TIAM1: variants seen among roughly 807,000 people sequenced by gnomAD.
The protein encoded by TIAM1 is rho guanine nucleotide exchange factor TIAM1.
TIAM1 carries 65 observed loss-of-function variants against 163.5 expected under a neutral mutation model. The ratio of observed to expected loss-of-function variants is 0.40; its 90% CI spans 0.33 to 0.49. The LOEUF is 0.49. Ranked by LOEUF, TIAM1 falls within the 20% of genes least tolerant of loss-of-function variation. The probability of loss-of-function intolerance (pLI) is 0.77; values close to 1 mark genes in which losing one functional copy is unlikely to be tolerated. For synonymous variants in TIAM1, 833 were observed against 810.1 expected, an observed-to-expected ratio of 1.03 and a Z score of -0.48; for missense variants, 1,789 against 2,044.7, an observed-to-expected ratio of 0.87 and a Z score of 2.41.
intron 2 of TIAM1, among the ~76,000 whole-genome samples, chr21:31,393,236 A>T (rs2147200025): frequency 6.6e-6 from 1 of 152,346 alleles, no homozygotes; most frequent in East Asian, 1.9e-4. Flanking sequence ...GATTACAGGC[A>T]TGAGTTACTG....
chr21:31,452,004 G>A (rs987257890), intron 2 of TIAM1, among the ~76,000 whole-genome samples: 8 of 152,150 alleles, frequency 5.3e-5, no homozygotes, highest in Non-Finnish European at 8.8e-5. Context: ...AGGGAAAACA[G>A]TAAGTTTGGG....
chr21:31,267,177 A>G (rs1262813128), intron 3 of TIAM1, among the ~76,000 whole-genome samples, 194 bp from the exon 4 acceptor site: 2 of 152,126 alleles, frequency 1.3e-5, no homozygotes, highest in African/African-American at 4.8e-5. Context: ...GTGAACAGTA[A>G]CATCATCTAC....
intron 2 of TIAM1, among the ~76,000 whole-genome samples, chr21:31,377,204 A>G (rs2076703352): frequency 7.3e-6 from 1 of 136,790 alleles, no homozygotes; most frequent in East Asian, 2.1e-4. Context: ...TTTTTTTTTA[A>G]GATAGATTTA....
At chr21:31,284,992 C>T (rs765077165) in intron 2 of TIAM1, among the ~76,000 whole-genome samples, 1 of 152,128 alleles carries the variant, frequency 6.6e-6, no homozygotes, top group East Asian at 1.9e-4. Context: ...CCCAAAAGCA[C>T]GAAAGTGCAA....
chr21:31,339,546 G>T (rs535097144), intron 1 of TIAM1, 124 bp from the exon 2 acceptor site: 1 of 396,124 alleles, frequency 2.5e-6, no homozygotes, highest in Non-Finnish European at 4.4e-6. Context: ...ACATGTTGTA[G>T]ACACTCAATA....
At position 31,410,580 on chromosome 21, in the gene TIAM1, T is replaced by G. The variant is rs369955266; in HGVS notation, c.-369+53403A>C. Among the ~76,000 whole-genome samples, 535 of 152,162 alleles carry G rather than the reference T, an allele frequency of 3.5e-3. 3 individuals are homozygous for G. Among genetic ancestry groups the G allele is most frequent in the Non-Finnish European group, 6.3e-3 (430 of 68,002 alleles). ...GTGTGAGCAACTGTGTAAGAATGTG[T>G]GCATATGTGTATGAGACTGTGTGAG... On this transcript the variant is annotated intron_variant, in intron 2 of 28. Transcript: ENST00000286827.
intron 2 of TIAM1, among the ~76,000 whole-genome samples, chr21:31,362,445 A>AATT (rs10634487): frequency 0.11 from 16,228 of 142,620 alleles, 1,184 homozygotes; most frequent in African/African-American, 0.21. Flanking sequence ...ATGCAGTGAC[A>AATT]ATTATTATTA....
intron 3 of TIAM1, among the ~76,000 whole-genome samples, chr21:31,269,662 A>AGTTT (rs2072960816): frequency 7.0e-6 from 1 of 142,842 alleles, no homozygotes; most frequent in Admixed American, 7.1e-5. Flanking sequence ...GTGAACTTTA[A>AGTTT]GTTTGTTTGT....
intron 1 of TIAM1, among the ~76,000 whole-genome samples, chr21:31,553,357 G>A (rs2048758918): frequency 6.6e-6 from 1 of 152,196 alleles, no homozygotes; most frequent in South Asian, 2.1e-4. Flanking sequence ...GTCCTGTGAG[G>A]AGATGGAGAT....
Position 31,556,202 on chromosome 21 carries a change from G to A in TIAM1, c.-422+2725C>T, listed in dbSNP as rs76451271. ...CCCAGAACAAGTACAAGAAGGATGAGAATCATTTCTGAGAGTTCAACTTTA... is the reference window on the plus strand; with the variant it reads ...CCCAGAACAAGTACAAGAAGGATGAAAATCATTTCTGAGAGTTCAACTTTA... On this transcript the variant is annotated intron_variant, in intron 1 of 28. Coordinates refer to the TIAM1 transcript ENST00000286827. Among the ~76,000 whole-genome samples, 938 of 152,232 alleles carry A rather than the reference G, an allele frequency of 6.2e-3. 12 individuals are homozygous for A. Among genetic ancestry groups the A allele is most frequent in the African/African-American group, 0.022 (895 of 41,544 alleles).
intron 6 of TIAM1, among the ~76,000 whole-genome samples, chr21:31,236,400 G>A (rs1206982948): frequency 6.6e-6 from 1 of 152,110 alleles, no homozygotes; most frequent in African/African-American, 2.4e-5. Flanking sequence ...TCTACGGTGT[G>A]GGGAAAACAG....
chr21:31,512,498 C>T (rs953146790), intron 1 of TIAM1, among the ~76,000 whole-genome samples: 2 of 152,114 alleles, frequency 1.3e-5, no homozygotes, highest in African/African-American at 4.8e-5. Flanking sequence ...CTGCAAAATC[C>T]TTCCTACTTC....
intron 1 of TIAM1, among the ~76,000 whole-genome samples, chr21:31,465,770 C>T (rs2045506715): frequency 1.3e-5 from 2 of 152,198 alleles, no homozygotes; most frequent in Admixed American, 6.5e-5. Flanking sequence ...CGGGGTTTCA[C>T]CGTGTTAGCC....
intron 2 of TIAM1, among the ~76,000 whole-genome samples, chr21:31,414,662 G>A (rs753148426): frequency 1.3e-5 from 2 of 152,124 alleles, no homozygotes; most frequent in Admixed American, 6.5e-5. Flanking sequence ...AGAACAATAT[G>A]AGCCTCTGAA....
intron 1 of TIAM1, among the ~76,000 whole-genome samples, chr21:31,525,711 G>C: frequency 6.6e-6 from 1 of 151,914 alleles, no homozygotes; most frequent in Middle Eastern, 3.4e-3. Context: ...ATTATATGAA[G>C]AAATAAAATG....
chr21:31,384,549 C>T (rs1435871076), intron 2 of TIAM1, among the ~76,000 whole-genome samples: 2 of 152,030 alleles, frequency 1.3e-5, no homozygotes, highest in South Asian at 2.1e-4. Context: ...CACTCCAGCC[C>T]GGGTGACAAA....
intron 2 of TIAM1, among the ~76,000 whole-genome samples, chr21:31,429,120 C>A (rs1389206377): frequency 1.3e-5 from 2 of 152,030 alleles, no homozygotes; most frequent in Non-Finnish European, 2.9e-5. Flanking sequence ...CCACCTCAGC[C>A]TCCCCAGTTG....
chr21:31,521,965 G>A (rs973786742), intron 1 of TIAM1, among the ~76,000 whole-genome samples: 31 of 151,932 alleles, frequency 2.0e-4, no homozygotes, highest in African/African-American at 6.5e-4. Flanking sequence ...TCCGCCTCCC[G>A]GGTTCAGGCC....
chr21:31,259,849 G>A (rs557249624), intron 4 of TIAM1, among the ~76,000 whole-genome samples: 4 of 152,024 alleles, frequency 2.6e-5, no homozygotes, highest in Admixed American at 1.3e-4. Flanking sequence ...GGTATGAGAC[G>A]CTAGTGTCTT....
Sources: gnomAD v4.1 joint callset for allele counts (sites outside exome capture counted in the v4.1 genomes callset) on GRCh38, gnomAD v4.1.1 for gene constraint, MANE v1.5 for transcripts, NCBI Gene and HGNC (gene_info 2026-07-23, HGNC 2026-07-21) for gene names.